ABRAXAS2: variants seen among roughly 807,000 people sequenced by gnomAD.
ABRAXAS2 encodes abraxas 2, BRISC complex subunit, also known as BRISC complex subunit Abraxas 2.
Under a neutral mutation model 49.0 loss-of-function variants are expected in ABRAXAS2, and 23 were observed. That is an observed-to-expected ratio of 0.47 (90% CI 0.34 to 0.66). ABRAXAS2 has a LOEUF of 0.66. Among genes scored for constraint, ABRAXAS2 ranks in the 30% least tolerant of loss-of-function variants. The pLI is 0.01. For missense variants in ABRAXAS2, 443 were observed against 511.9 expected (o/e 0.87, Z 1.30); for synonymous variants, 168 against 180.2 (o/e 0.93, Z 0.54).
chr10:124,802,024 G>C lies in ABRAXAS2; in HGVS notation c.72+123G>C, dbSNP rs1490169934. The stretch of plus-strand genomic sequence containing the variant: ...CTGGGCACCAGGGCCGGCCGGAGGA[G>C]CTGGTGACCCGGGCGGCTCCCGCCC... On this transcript the variant is annotated intron_variant, in intron 1 of 8. Coordinates refer to ENST00000298492, the MANE Select transcript of ABRAXAS2 (RefSeq NM_032182.4). 3 of 943,642 alleles carry C rather than the reference G, an allele frequency of 3.2e-6. No individual in the cohort carries two copies. In the African/African-American group the frequency reaches 5.2e-5, roughly 16 times the overall value. The allele number at this position is 943,642 out of a possible 1,614,324, so 58.5% of individuals were successfully genotyped here.
rs556876822 is a variant in ABRAXAS2, at chr10:124,812,684, G to A, written c.164-3892G>A. 3.9e-5 allele frequency among the ~76,000 whole-genome samples: 6 copies of A among 152,040 alleles called. No individual in the cohort carries two copies. In the East Asian group the frequency reaches 1.2e-3, roughly 29 times the overall value. ...ATACACATTTGAAAGCATAAACTGG[G>A]AACTTTGGAAAACCCGGGTTGAAAA... On this transcript the variant is annotated intron_variant, in intron 2 of 8. Coordinates refer to ENST00000298492, the MANE Select transcript of ABRAXAS2 (RefSeq NM_032182.4).
chr10:124,821,603 C>A (rs889281240), intron 4 of ABRAXAS2, among the ~76,000 whole-genome samples: 15 of 151,888 alleles, frequency 9.9e-5, no homozygotes, highest in African/African-American at 3.6e-4. Flanking sequence ...CACAAATGGC[C>A]AAGAAACAAC....
intron 7 of ABRAXAS2, among the ~76,000 whole-genome samples, chr10:124,830,946 T>C (rs1460846899): frequency 6.6e-6 from 1 of 152,214 alleles, no homozygotes; most frequent in Non-Finnish European, 1.5e-5. Flanking sequence ...TTCTGTTAAA[T>C]TGTCTTATCT....
rs986035402 is a variant in ABRAXAS2, at chr10:124,831,914, G to A, written c.778+451G>A. ...TGTCACCCAGGTTGGAGTCAGTGGCGTGATCTTGGCTCACTGCAACCTCCA... is the reference window on the plus strand; with the variant it reads ...TGTCACCCAGGTTGGAGTCAGTGGCATGATCTTGGCTCACTGCAACCTCCA... On this transcript the variant is annotated intron_variant, in intron 8 of 8. Coordinates refer to ENST00000298492, the MANE Select transcript of ABRAXAS2 (RefSeq NM_032182.4). 4.2e-5 allele frequency among the ~76,000 whole-genome samples: 6 copies of A among 142,406 alleles called. No individual in the cohort carries two copies. In the South Asian group the frequency reaches 6.6e-4, roughly 16 times the overall value. The allele number at this position is 142,406 out of a possible 152,430, so 93.4% of individuals were successfully genotyped here.
At chr10:124,819,215 G>A (rs1205520095) in intron 3 of ABRAXAS2, among the ~76,000 whole-genome samples, 169 bp from the exon 4 acceptor site, 2 of 152,168 alleles carry the variant, frequency 1.3e-5, no homozygotes, top group African/African-American at 4.8e-5. Flanking sequence ...TGCAAAAGGG[G>A]CCTCATTTCA....
At chr10:124,830,051 C>G (rs1950921288) in intron 7 of ABRAXAS2, among the ~76,000 whole-genome samples, 1 of 152,134 alleles carries the variant, frequency 6.6e-6, no homozygotes, top group East Asian at 1.9e-4. Context: ...TGCTCTAAAA[C>G]CTAAGAACAA....
intron 2 of ABRAXAS2, among the ~76,000 whole-genome samples, chr10:124,809,132 AAAAAAGAAAAAAG>A (rs1950767452): frequency 6.6e-6 from 1 of 152,104 alleles, no homozygotes; most frequent in African/African-American, 2.4e-5. Flanking sequence ...ACTCTGTCTC[AAAAAAGAAAAAAG>A]AAAAAGAAAA....
intron 1 of ABRAXAS2, among the ~76,000 whole-genome samples, chr10:124,803,826 G>A (rs1033668592): frequency 3.9e-5 from 6 of 152,132 alleles, no homozygotes; most frequent in African/African-American, 9.7e-5. Context: ...GCTTGAACCC[G>A]GGAGGCAAAG....
chr10:124,821,348 C>T (rs976179697), intron 4 of ABRAXAS2, among the ~76,000 whole-genome samples: 7 of 152,010 alleles, frequency 4.6e-5, no homozygotes, highest in African/African-American at 1.7e-4. Flanking sequence ...AGGTGGGTCA[C>T]GAGGTCAGGA....
rs184658706 is a variant in ABRAXAS2 at position 124,811,838 on chromosome 10, C to T, written c.164-4738C>T. The stretch of plus-strand genomic sequence containing the variant: ...TTGCCCAGGCTGGAATGCAATGGCG[C>T]ACAATCTTGGCTCACCGCAACCTCC... On this transcript the variant is annotated intron_variant, in intron 2 of 8. Coordinates refer to ENST00000298492, the MANE Select transcript of ABRAXAS2 (RefSeq NM_032182.4). Among the ~76,000 whole-genome samples, 7 of 152,238 alleles carry T rather than the reference C, an allele frequency of 4.6e-5. No homozygotes were observed. The East Asian group carries it at 1.4e-3, about 30-fold the overall frequency.
chr10:124,816,537 C>T, intron 2 of ABRAXAS2, 39 bp from the exon 3 acceptor site: 1 of 1,470,270 alleles, frequency 6.8e-7, no homozygotes, highest in Non-Finnish European at 9.4e-7. Flanking sequence ...CTATGTCTTA[C>T]ATGATTAACT....
At chr10:124,802,902 A>G (rs1465086435) in intron 1 of ABRAXAS2, among the ~76,000 whole-genome samples, 1 of 152,224 alleles carries the variant, frequency 6.6e-6, no homozygotes, top group Non-Finnish European at 1.5e-5. Context: ...CAGGGAGGTG[A>G]TTCCATTAGT....
Position 124,826,734 on chromosome 10 carries a change from C to A in ABRAXAS2, c.407C>A (p.Ala136Asp). The change falls in exon 5 of 9, where the codon GCC becomes GAC. Residue 136 changes from alanine to aspartate, a missense_variant. This residue lies in a region of ABRAXAS2 where 166 missense variants were observed against 247.3 expected (regional missense o/e 0.67). Coordinates refer to ENST00000298492, the MANE Select transcript of ABRAXAS2 (RefSeq NM_032182.4). ...VFLLFSFIST[A>D]NNSTHALEYV... ...CTTCTCTTCAGCTTCATCTCCACTG[C>A]CAACAATTCCACTCACGCTTTAGAA... 6.2e-7 allele frequency: 1 copy of A among 1,614,214 alleles called. No individual in the cohort carries two copies. Among genetic ancestry groups the A allele is most frequent in the Non-Finnish European group, 8.5e-7 (1 of 1,180,046 alleles).
intron 2 of ABRAXAS2, among the ~76,000 whole-genome samples, chr10:124,809,158 A>G (rs1564918787): frequency 6.6e-6 from 1 of 152,312 alleles, no homozygotes; most frequent in East Asian, 1.9e-4. Context: ...AAAGAAAAAA[A>G]GAAAAGAAAA....
chr10:124,813,136 G>A (rs538880442), intron 2 of ABRAXAS2, among the ~76,000 whole-genome samples: 1 of 152,316 alleles, frequency 6.6e-6, no homozygotes, highest in East Asian at 1.9e-4. Flanking sequence ...GGGAGGCGGA[G>A]GTTGCAGTGA....
rs760492727 is a variant in ABRAXAS2 at position 124,828,858 on chromosome 10, A to G, written c.561A>G (p.Lys187=). The G allele has an allele frequency of 2.5e-6, 4 of 1,613,788 alleles. No homozygotes were observed. In the Admixed American group the frequency reaches 6.7e-5, roughly 27 times the overall value. The part of the protein sequence containing the change: ...SVPNTSQSYA[K]VIKEHGTDFF... ...CAAATACTTCTCAGAGTTATGCCAA[A>G]GTGATTAAAGAACATGGGTAAGTTG... Residue 187 remains lysine, a synonymous_variant, in exon 6 of 9, where the codon AAA becomes AAG. Coordinates refer to ENST00000298492, the MANE Select transcript of ABRAXAS2 (RefSeq NM_032182.4).
At chr10:124,808,816 A>T (rs564466764) in intron 2 of ABRAXAS2, among the ~76,000 whole-genome samples, 2 of 152,132 alleles carry the variant, frequency 1.3e-5, no homozygotes, top group Admixed American at 6.5e-5. Flanking sequence ...ATATGTGGAG[A>T]TGAGTGGTTT....
At chr10:124,803,467 T>G (rs1266118016) in intron 1 of ABRAXAS2, among the ~76,000 whole-genome samples, 1 of 152,264 alleles carries the variant, frequency 6.6e-6, no homozygotes, top group Non-Finnish European at 1.5e-5. Context: ...ACCACTCATT[T>G]GTAGACCTGG....
chr10:124,815,258 G>A (rs141294841), intron 2 of ABRAXAS2, among the ~76,000 whole-genome samples: 8,565 of 151,488 alleles, frequency 0.057, 783 homozygotes, highest in African/African-American at 0.19. Context: ...GCAGTGGCGC[G>A]ATCTGGGTTC....
Sources: allele counts gnomAD v4.1 joint callset (sites outside exome capture counted in the v4.1 genomes callset), GRCh38; gene constraint gnomAD v4.1.1; regional missense constraint gnomAD v4.1.1; transcripts MANE v1.5; gene names NCBI Gene and HGNC (gene_info 2026-07-23, HGNC 2026-07-21).